The following DNER variants were observed in gnomAD, a reference collection of about 807,000 sequenced individuals.
The protein encoded by DNER is delta and Notch-like epidermal growth factor-related receptor.
In DNER, 33 loss-of-function variants were observed where a neutral mutation model predicts 78.2. That is an observed-to-expected ratio of 0.42 (90% CI 0.32 to 0.56). The LOEUF (loss-of-function observed/expected upper bound fraction) is 0.56. Ranked by LOEUF, DNER falls within the 20% of genes least tolerant of loss-of-function variation. The pLI, the probability that DNER is intolerant of heterozygous loss-of-function variation, is 0.11. For missense variants in DNER, 918 were observed against 975.3 expected, an observed-to-expected ratio of 0.94 and a Z score of 0.78; for synonymous variants, 417 against 384.8, an observed-to-expected ratio of 1.08 and a Z score of -0.98.
chr2:229,615,447 C>T (rs1199033418), intron 1 of DNER, among the ~76,000 whole-genome samples: 9 of 149,978 alleles, frequency 6.0e-5, no homozygotes, highest in Admixed American at 2.7e-4. Context: ...CGGTGGTTCA[C>T]GCCTGTAATC....
intron 7 of DNER, among the ~76,000 whole-genome samples, chr2:229,451,167 A>G (rs1437894329): frequency 6.6e-6 from 1 of 152,142 alleles, no homozygotes; most frequent in Non-Finnish European, 1.5e-5. Flanking sequence ...TGCTAATAAT[A>G]ACAGCAACAG....
At chr2:229,398,531 C>T (rs926264836) in intron 10 of DNER, among the ~76,000 whole-genome samples, 1 of 152,010 alleles carries the variant, frequency 6.6e-6, no homozygotes, top group Non-Finnish European at 1.5e-5. Flanking sequence ...CAAAACTAGA[C>T]AAATACATAA....
intron 1 of DNER, among the ~76,000 whole-genome samples, chr2:229,683,627 TG>T (rs1699425971): frequency 6.6e-6 from 1 of 152,118 alleles, no homozygotes; most frequent in African/African-American, 2.4e-5. Flanking sequence ...ACAATGATGA[TG>T]GTGACGATGA....
intron 6 of DNER, among the ~76,000 whole-genome samples, chr2:229,507,431 C>T (rs1003486959): frequency 3.9e-5 from 6 of 152,162 alleles, no homozygotes; most frequent in African/African-American, 9.7e-5. Context: ...GCATTGGAGA[C>T]ATTAAGTCAC....
At chr2:229,615,086 T>A (rs1190345220) in intron 1 of DNER, among the ~76,000 whole-genome samples, 1 of 152,282 alleles carries the variant, frequency 6.6e-6, no homozygotes, top group Admixed American at 6.5e-5. Flanking sequence ...CACTCAATGA[T>A]GCATTTTTCA....
chr2:229,496,517 A>G (rs1695505883), intron 6 of DNER, among the ~76,000 whole-genome samples: 1 of 152,210 alleles, frequency 6.6e-6, no homozygotes, highest in Non-Finnish European at 1.5e-5. Flanking sequence ...GAGTGGATGC[A>G]TGAATTTTTT....
At chr2:229,490,239 T>C (rs1229999627) in intron 6 of DNER, among the ~76,000 whole-genome samples, 1 of 152,090 alleles carries the variant, frequency 6.6e-6, no homozygotes, top group African/African-American at 2.4e-5. Context: ...AAGCACATGA[T>C]CCTGGAGGAA....
At chr2:229,506,833 A>G (rs1221855990) in intron 6 of DNER, among the ~76,000 whole-genome samples, 1 of 152,106 alleles carries the variant, frequency 6.6e-6, no homozygotes, top group East Asian at 1.9e-4. Flanking sequence ...CCATGTCCCT[A>G]TGCTATGGTC....
intron 8 of DNER, among the ~76,000 whole-genome samples, chr2:229,420,833 G>A (rs564030130): frequency 6.6e-6 from 1 of 152,230 alleles, no homozygotes; most frequent in South Asian, 2.1e-4. Flanking sequence ...AGGTAAAATG[G>A]TACAGCTGCT....
intron 1 of DNER, among the ~76,000 whole-genome samples, chr2:229,597,166 T>C (rs113886330): frequency 6.6e-5 from 10 of 152,334 alleles, no homozygotes; most frequent in African/African-American, 2.4e-4. Context: ...TGCAGGGTCA[T>C]TGGGCCCTTT....
rs142663270 is a variant in DNER, at chr2:229,670,311, C to T, written c.276+43837G>A. Among the ~76,000 whole-genome samples, 11 of 152,336 alleles carry T rather than the reference C, an allele frequency of 7.2e-5. No individual in the cohort carries two copies. In the East Asian group the frequency reaches 2.1e-3, roughly 29 times the overall value. On this transcript the variant is annotated intron_variant, in intron 1 of 12. Transcript: ENST00000341772. ...TCCTCCCAGGCCGAGGCAAACGAGT[C>T]CCTGCCTTCTCACAATTGCACCTGT...
chr2:229,584,897 A>G (rs1308180318), intron 4 of DNER, among the ~76,000 whole-genome samples: 1 of 151,006 alleles, frequency 6.6e-6, no homozygotes, highest in Non-Finnish European at 1.5e-5. Flanking sequence ...TCGTCCCAAA[A>G]AAAAAAAAAA....
Position 229,649,528 on chromosome 2 carries a change from A to G in DNER, c.277-57640T>C, listed in dbSNP as rs181886502. ...TAGTCCCACCAGTTCTCAGCTACCA[A>G]TACGATGTCACTGAACGCCAAGATG... On this transcript the variant is annotated intron_variant, in intron 1 of 12. Coordinates refer to ENST00000341772, the MANE Select transcript of DNER (RefSeq NM_139072.4). Among the ~76,000 whole-genome samples the G allele has an allele frequency of 8.5e-5, 13 of 152,302 alleles. No individual in the cohort carries two copies. The East Asian group carries it at 1.9e-3, about 23-fold the overall frequency.
chr2:229,702,916 C>CAAA (rs775005338), intron 1 of DNER, among the ~76,000 whole-genome samples: 25 of 103,784 alleles, frequency 2.4e-4, no homozygotes, highest in East Asian at 5.4e-4. Context: ...GACTCCGCCT[C>CAAA]AAAAAAAAAA....
Position 229,395,821 on chromosome 2 carries a change from C to T in DNER, c.1724-7425G>A, listed in dbSNP as rs188904842. Among the ~76,000 whole-genome samples, 979 of 152,104 alleles carry T rather than the reference C, an allele frequency of 6.4e-3. 7 individuals are homozygous for T. Among genetic ancestry groups the T allele is most frequent in the South Asian group, 0.015 (71 of 4,804 alleles). ...GCTGAGGCAGGAGAATCACTTGAAC[C>T]GGAGAGGCGGAGGTTGCAGTGAGCG... is the stretch of plus-strand genomic sequence containing the variant. On this transcript the variant is annotated intron_variant, in intron 10 of 12. Transcript: ENST00000341772.
chr2:229,493,703 T>C (rs150861582), intron 6 of DNER, among the ~76,000 whole-genome samples: 1 of 152,334 alleles, frequency 6.6e-6, no homozygotes, highest in Non-Finnish European at 1.5e-5. Context: ...GCACCTGCTT[T>C]GTGTCAGGCT....
At chr2:229,604,226 T>C (rs529702094) in intron 1 of DNER, among the ~76,000 whole-genome samples, 2 of 152,346 alleles carry the variant, frequency 1.3e-5, no homozygotes, top group East Asian at 3.9e-4. Context: ...TGTTCTCATT[T>C]CTTTATTTTT....
chr2:229,413,479 C>T (rs999345487), intron 9 of DNER, among the ~76,000 whole-genome samples: 4 of 151,490 alleles, frequency 2.6e-5, no homozygotes, highest in Admixed American at 2.0e-4. Flanking sequence ...TGTGCCACAG[C>T]GCCTGGCTAA....
intron 7 of DNER, among the ~76,000 whole-genome samples, chr2:229,472,795 G>A (rs771357851): frequency 4.6e-5 from 7 of 152,154 alleles, no homozygotes; most frequent in Admixed American, 1.3e-4. Flanking sequence ...CATCCCCACC[G>A]TAACCAGAAT....
Sources: gnomAD v4.1 joint callset for allele counts (sites outside exome capture counted in the v4.1 genomes callset) on GRCh38, gnomAD v4.1.1 for gene constraint, MANE v1.5 for transcripts, NCBI Gene and HGNC (gene_info 2026-07-23, HGNC 2026-07-21) for gene names.